Variants in KIF2A observed in about 807,000 individuals in gnomAD.
The protein encoded by KIF2A is kinesin-like protein KIF2A.
KIF2A carries 22 observed loss-of-function variants against 100.2 expected under a neutral mutation model. That is an observed-to-expected ratio of 0.22 (90% CI 0.16 to 0.31). KIF2A has a LOEUF of 0.31. Among genes scored for constraint, KIF2A ranks in the 10% least tolerant of loss-of-function variants. KIF2A has a pLI of 1.00. For synonymous variants in KIF2A, 268 were observed against 285.9 expected (o/e 0.94, Z 0.63); for missense variants, 495 against 898.7 (o/e 0.55, Z 5.74).
At chr5:62,309,144 G>A (rs1039283262) in intron 1 of KIF2A, among the ~76,000 whole-genome samples, 7 of 152,026 alleles carry the variant, frequency 4.6e-5, no homozygotes, top group Non-Finnish European at 7.4e-5. Flanking sequence ...TAATTTCTAC[G>A]GAGCATATTT....
At chr5:62,314,758 GTTTTTTTT>G (rs34987605) in intron 1 of KIF2A, among the ~76,000 whole-genome samples, 2 of 100,914 alleles carry the variant, frequency 2.0e-5, no homozygotes, top group East Asian at 3.1e-4. Flanking sequence ...AGAATGAACT[GTTTTTTTT>G]TTTTTTTTTT....
At chr5:62,309,640 A>G (rs913879261) in intron 1 of KIF2A, among the ~76,000 whole-genome samples, 10 of 152,204 alleles carry the variant, frequency 6.6e-5, no homozygotes, top group African/African-American at 2.2e-4. Context: ...AGTAGAAATG[A>G]CATGAGTAAA....
intron 1 of KIF2A, among the ~76,000 whole-genome samples, chr5:62,314,765 T>C (rs1352755279): frequency 6.8e-6 from 1 of 146,924 alleles, no homozygotes; most frequent in African/African-American, 2.5e-5. Context: ...ACTGTTTTTT[T>C]TTTTTTTTTT....
chr5:62,352,581 C>CT lies in KIF2A; in HGVS notation c.335-5dup. 2 of 1,481,284 alleles carry CT rather than the reference C, an allele frequency of 1.4e-6. No homozygotes were observed. The highest frequency in any genetic ancestry group is 2.6e-5 in the Admixed American group (1 of 38,172). 91.8% of individuals were successfully genotyped at this position (1,481,284 alleles called of 1,614,324 possible). The stretch of plus-strand genomic sequence containing the variant: ...CTGAATTTAAAATTTTTTTTTTTTA[C>CT]TTACAGTGGTTGGTTCAGCACGTGC... On this transcript the variant is annotated splice_region_variant and splice_polypyrimidine_tract_variant and intron_variant, in intron 4 of 20. Coordinates refer to ENST00000407818, the MANE Select transcript of KIF2A (RefSeq NM_001098511.3).
At chr5:62,333,284 G>A (rs2111852990) in intron 1 of KIF2A, among the ~76,000 whole-genome samples, 2 of 152,344 alleles carry the variant, frequency 1.3e-5, no homozygotes, top group South Asian at 4.1e-4. Context: ...GGAAAATAAT[G>A]ATTGGGGAGC....
At chr5:62,344,128 G>T (rs888462970) in intron 1 of KIF2A, among the ~76,000 whole-genome samples, 4 of 152,076 alleles carry the variant, frequency 2.6e-5, no homozygotes, top group African/African-American at 9.7e-5. Flanking sequence ...GGCAGATCAT[G>T]AAGTCAAGAG....
chr5:62,309,200 T>G (rs1291166488), intron 1 of KIF2A, among the ~76,000 whole-genome samples: 1 of 152,200 alleles, frequency 6.6e-6, no homozygotes, highest in Non-Finnish European at 1.5e-5. Flanking sequence ...CTTTTCAGCC[T>G]TCACCTTCAG....
intron 16 of KIF2A, among the ~76,000 whole-genome samples, 192 bp from the exon 17 acceptor site, chr5:62,372,246 G>A (rs755960890): frequency 3.3e-5 from 5 of 151,892 alleles, no homozygotes; most frequent in Non-Finnish European, 5.9e-5. Context: ...ATAGAGCAGG[G>A]GATCAATAGA....
At chr5:62,366,115 T>TA (rs1172468494) in intron 15 of KIF2A, among the ~76,000 whole-genome samples, 22 of 145,708 alleles carry the variant, frequency 1.5e-4, no homozygotes, top group Admixed American at 1.4e-4. Flanking sequence ...AAAAGCTGTT[T>TA]AAAAAAAAAA....
Position 62,386,916 on chromosome 5 carries a change from G to A in KIF2A, c.*1347G>A, listed in dbSNP as rs1001052908. Among the ~76,000 whole-genome samples, 1 of 152,204 alleles carries A rather than the reference G, an allele frequency of 6.6e-6. No individual in the cohort carries two copies. Among genetic ancestry groups the A allele is most frequent in the African/African-American group, 2.4e-5 (1 of 41,446 alleles). On this transcript the variant is annotated 3_prime_UTR_variant, in exon 21 of 21. Transcript: ENST00000407818. ...GGAGTTTTCCCTCAGTTCCCAGGAT[G>A]GGGTCCAGGAGTAGATTAACAGCTA... is the stretch of plus-strand genomic sequence containing the variant.
At chr5:62,325,227 G>A (rs1355710373) in intron 1 of KIF2A, among the ~76,000 whole-genome samples, 2 of 152,004 alleles carry the variant, frequency 1.3e-5, no homozygotes, top group Non-Finnish European at 2.9e-5. Context: ...TGGGTCAAGT[G>A]GTTCTCCTGC....
chr5:62,389,475 G>A lies in KIF2A; in HGVS notation c.*3906G>A. Among the ~76,000 whole-genome samples the A allele has an allele frequency of 2.2e-5, 1 of 44,858 alleles. No individual in the cohort carries two copies. The highest frequency in any genetic ancestry group is 4.0e-5 in the Non-Finnish European group (1 of 24,816). The allele number at this position is 44,858 out of a possible 152,430, so 29.4% of individuals were successfully genotyped here. ...GAGTCCAGCCTGGGTGACAGAGCAA[G>A]ACTCTGTCTCAAAAAAAAAAAAAAA... On this transcript the variant is annotated 3_prime_UTR_variant, in exon 21 of 21. Coordinates refer to ENST00000407818, the MANE Select transcript of KIF2A (RefSeq NM_001098511.3).
At chr5:62,356,786 CTT>C (rs201800931) in intron 7 of KIF2A, among the ~76,000 whole-genome samples, 17 of 134,226 alleles carry the variant, frequency 1.3e-4, no homozygotes, top group Admixed American at 2.3e-4. Context: ...GATAATACAG[CTT>C]TTTTTTTTTT....
intron 1 of KIF2A, 48 bp downstream of exon 1, chr5:62,306,584 G>C (rs1189184087): frequency 2.0e-6 from 3 of 1,485,392 alleles, no homozygotes; most frequent in Non-Finnish European, 1.8e-6. Context: ...CCGTGTTCGG[G>C]TGTGCACGGA....
Position 62,306,505 on chromosome 5 carries a change from C to T in KIF2A, c.33C>T (p.Ile11=), listed in dbSNP as rs1410948931. MATANFGKIQ[I]GIYVEIKRSD... ...CGGCCAACTTCGGCAAGATCCAGAT[C>T]GGGATTTACGTGGAGATCAAGCGCA... The change falls in exon 1 of 21, where the codon ATC becomes ATT. Residue 11 remains isoleucine, a synonymous_variant. Transcript: ENST00000407818. 2.6e-6 allele frequency: 4 copies of T among 1,546,204 alleles called. No homozygotes were observed. The highest frequency in any genetic ancestry group is 1.2e-5 in the South Asian group (1 of 83,280).
rs543103314 is a variant in KIF2A at position 62,347,625 on chromosome 5, T to C, written c.159+401T>C. ...TCATTTGTAAGGCTAAGGCACTGTA[T>C]TCTTTTTTTTTTGTTTTTGAGACAG... On this transcript the variant is annotated intron_variant, in intron 2 of 20. Coordinates refer to ENST00000407818, the MANE Select transcript of KIF2A (RefSeq NM_001098511.3). Among the ~76,000 whole-genome samples the C allele has an allele frequency of 3.3e-5, 5 of 151,870 alleles. 1 individual carries two copies. The South Asian group carries it at 6.2e-4, about 19-fold the overall frequency.
chr5:62,335,932 G>A (rs1169774720), intron 1 of KIF2A, among the ~76,000 whole-genome samples: 1 of 152,110 alleles, frequency 6.6e-6, no homozygotes, highest in African/African-American at 2.4e-5. Flanking sequence ...TTATATGGTA[G>A]TATTGATTTT....
In KIF2A at chr5:62,361,188, A is replaced by G. The variant is rs1235080950; in HGVS notation, c.873-54A>G. 7 of 894,282 alleles carry G rather than the reference A, an allele frequency of 7.8e-6. No homozygotes were observed. In the African/African-American group the frequency reaches 1.0e-4, roughly 13 times the overall value. 55.4% of individuals were successfully genotyped at this position (894,282 alleles called of 1,614,324 possible). On this transcript the variant is annotated intron_variant, in intron 9 of 20. Transcript: ENST00000407818. ...ATACTTTGTATTACTCAGCATTACTATTATTCATCAAAATATTGGTGACAC... is the reference window on the plus strand; with the variant it reads ...ATACTTTGTATTACTCAGCATTACTGTTATTCATCAAAATATTGGTGACAC...
intron 1 of KIF2A, among the ~76,000 whole-genome samples, chr5:62,310,900 T>C (rs1335277289): frequency 6.6e-6 from 1 of 152,174 alleles, no homozygotes; most frequent in African/African-American, 2.4e-5. Context: ...TTAACAGTTC[T>C]GTAGTAGCTG....
Sources: gnomAD v4.1 joint callset for allele counts (sites outside exome capture counted in the v4.1 genomes callset) on GRCh38, gnomAD v4.1.1 for gene constraint, MANE v1.5 for transcripts, NCBI Gene and HGNC (gene_info 2026-07-23, HGNC 2026-07-21) for gene names.